The following HYCC2 variants were observed in gnomAD, a reference collection of about 807,000 sequenced individuals.
HYCC2 encodes the protein hyccin PI4KA lipid kinase complex subunit 2.
chr2:201,026,549 AC>A, the HYCC2 span, among the ~76,000 whole-genome samples: 3 of 152,224 alleles, frequency 2.0e-5, no homozygotes, highest in South Asian at 4.1e-4. Context: ...TCCAAAATTG[AC>A]CACATAGTTG....
the HYCC2 span, among the ~76,000 whole-genome samples, chr2:201,008,338 C>A: frequency 3.9e-5 from 6 of 152,206 alleles, no homozygotes; most frequent in African/African-American, 7.2e-5. Flanking sequence ...CTGCTTTATA[C>A]AAGATGACCA....
the HYCC2 span, among the ~76,000 whole-genome samples, chr2:201,040,971 G>C: frequency 6.6e-6 from 1 of 152,136 alleles, no homozygotes; most frequent in Non-Finnish European, 1.5e-5. Flanking sequence ...GTTGCCTAAG[G>C]TTAAGGTCAC....
At chr2:201,014,808 T>A in the HYCC2 span, among the ~76,000 whole-genome samples, 1 of 152,190 alleles carries the variant, frequency 6.6e-6, no homozygotes, top group South Asian at 2.1e-4. Flanking sequence ...ATTTTGTTTA[T>A]AATGTATACT....
chr2:201,009,669 AGGCT>A, the HYCC2 span, among the ~76,000 whole-genome samples: 3 of 152,064 alleles, frequency 2.0e-5, no homozygotes, highest in East Asian at 5.8e-4. Flanking sequence ...CATGTTGGCC[AGGCT>A]GGTCTCAAAC....
chr2:201,002,990 T>C, the HYCC2 span, among the ~76,000 whole-genome samples: 1 of 152,158 alleles, frequency 6.6e-6, no homozygotes, highest in African/African-American at 2.4e-5. Context: ...TGGCTAAAAA[T>C]TGATGGTACA....
the HYCC2 span, chr2:200,988,416 G>A: frequency 1.9e-6 from 3 of 1,611,030 alleles, no homozygotes; most frequent in Non-Finnish European, 2.5e-6. Context: ...TCATGGCATT[G>A]GCAACCTACA....
the HYCC2 span, chr2:200,977,085 G>A: frequency 5.3e-5 from 8 of 152,146 alleles, no homozygotes; most frequent in African/African-American, 1.9e-4. Flanking sequence ...AAAATAGTAA[G>A]GCATAAATTA....
chr2:200,979,866 C>T, the HYCC2 span: 1 of 152,418 alleles, frequency 6.6e-6, no homozygotes, highest in Non-Finnish European at 1.5e-5. Context: ...ATTTTTTTTA[C>T]CAATAATGTT....
the HYCC2 span, chr2:201,021,814 C>A: frequency 3.3e-6 from 1 of 307,252 alleles, no homozygotes; most frequent in Non-Finnish European, 6.5e-6. Flanking sequence ...AACTCTTGAC[C>A]ATATGGATAT....
chr2:201,009,242 G>A, the HYCC2 span: 1 of 455,140 alleles, frequency 2.2e-6, no homozygotes, highest in Non-Finnish European at 4.0e-6. Flanking sequence ...TCTTTCAACT[G>A]TCAATTATAT....
At chr2:201,043,663 C>T in the HYCC2 span, among the ~76,000 whole-genome samples, 2 of 151,816 alleles carry the variant, frequency 1.3e-5, no homozygotes, top group African/African-American at 4.8e-5. Flanking sequence ...CGCCTGCCAC[C>T]ATGCCTGGCT....
the HYCC2 span, chr2:201,009,311 A>G: frequency 1.3e-5 from 5 of 378,476 alleles, no homozygotes; most frequent in Middle Eastern, 8.2e-4. Flanking sequence ...AACATTTTTT[A>G]AAAGTCATGT....
chr2:201,008,639 A>C, the HYCC2 span, among the ~76,000 whole-genome samples: 5 of 150,126 alleles, frequency 3.3e-5, no homozygotes, highest in Admixed American at 6.6e-5. Flanking sequence ...TCATGCCTAT[A>C]ATCTCAGCAC....
the HYCC2 span, among the ~76,000 whole-genome samples, chr2:201,070,554 G>A: frequency 6.6e-6 from 1 of 152,118 alleles, no homozygotes; most frequent in Non-Finnish European, 1.5e-5. Context: ...CCGGAGGCTG[G>A]GGCAGGAGAA....
the HYCC2 span, among the ~76,000 whole-genome samples, chr2:201,000,887 A>G: frequency 6.6e-6 from 1 of 151,744 alleles, no homozygotes; most frequent in Non-Finnish European, 1.5e-5. Context: ...TAATCCCAGC[A>G]CTTTGGGAGG....
the HYCC2 span, among the ~76,000 whole-genome samples, chr2:201,010,103 CAAAAAAA>C: frequency 5.7e-5 from 4 of 70,756 alleles, no homozygotes; most frequent in African/African-American, 2.1e-4. Context: ...GACTCTGTCT[CAAAAAAA>C]AAAAAAAAAG....
the HYCC2 span, chr2:201,011,377 T>G: frequency 2.1e-6 from 3 of 1,435,466 alleles, no homozygotes; most frequent in Non-Finnish European, 2.9e-6. Flanking sequence ...ATTCCACCTT[T>G]CCAATGTTAC....
At chr2:200,985,016 C>A in the HYCC2 span, among the ~76,000 whole-genome samples, 1 of 152,038 alleles carries the variant, frequency 6.6e-6, no homozygotes, top group African/African-American at 2.4e-5. Context: ...AAGGCTGAGG[C>A]CAGAGGTTTG....
chr2:201,001,137 CAAA>C, the HYCC2 span, among the ~76,000 whole-genome samples: 12 of 70,308 alleles, frequency 1.7e-4, no homozygotes, highest in Non-Finnish European at 1.7e-4. Flanking sequence ...GACTCTGTCT[CAAA>C]AAAAAAAAAA....
Sources: allele counts gnomAD v4.1 joint callset (sites outside exome capture counted in the v4.1 genomes callset), GRCh38; gene constraint gnomAD v4.1.1; transcripts MANE v1.5; gene names NCBI Gene and HGNC (gene_info 2026-07-23, HGNC 2026-07-21).